The following EFHC1 variants were observed in gnomAD, a reference collection of about 807,000 sequenced individuals.
The protein encoded by EFHC1 is EF-hand domain-containing protein 1.
A neutral mutation model predicts 69.9 loss-of-function variants in EFHC1; 53 were observed. The observed-to-expected ratio is 0.76, with a 90% CI of 0.61 to 0.95. The LOEUF is 0.95. Among genes scored for constraint, EFHC1 ranks in the 40% least tolerant of loss-of-function variants. The pLI, the probability that EFHC1 is intolerant of heterozygous loss-of-function variation, is 0.00. For missense variants in EFHC1, 739 were observed against 798.7 expected (o/e 0.93, Z 0.90); for synonymous variants, 256 against 278.4 (o/e 0.92, Z 0.80).
At chr6:52,463,485 G>A (rs1054280044) in intron 5 of EFHC1, among the ~76,000 whole-genome samples, 3 of 152,016 alleles carry the variant, frequency 2.0e-5, no homozygotes, top group African/African-American at 7.3e-5. Flanking sequence ...TTAAAGAACA[G>A]GTAATTCTAA....
intron 3 of EFHC1, among the ~76,000 whole-genome samples, chr6:52,446,887 C>A (rs1764799106): frequency 6.6e-6 from 1 of 152,160 alleles, no homozygotes; most frequent in African/African-American, 2.4e-5. Context: ...TGATTATTGG[C>A]CCCCACTCTC....
Position 52,495,862 on chromosome 6 carries a change from A to G in EFHC1, c.*3521A>G, listed in dbSNP as rs548981595. The G allele has an allele frequency of 8.8e-6, 3 of 341,216 alleles. No homozygotes were observed. The highest frequency in any genetic ancestry group is 7.2e-5 in the South Asian group (3 of 41,612). 21.1% of individuals were successfully genotyped at this position (341,216 alleles called of 1,614,324 possible). On this transcript the variant is annotated 3_prime_UTR_variant, in exon 11 of 11. Coordinates refer to ENST00000371068, the MANE Select transcript of EFHC1 (RefSeq NM_018100.4). ...GAGAAGCTGAGATCTGACAGCACCA[A>G]CACAAGGTATAAAAGAGATTTCATG...
At chr6:52,465,588 C>T (rs911776681) in intron 6 of EFHC1, among the ~76,000 whole-genome samples, 1 of 151,812 alleles carries the variant, frequency 6.6e-6, no homozygotes, top group East Asian at 1.9e-4. Flanking sequence ...AGGTGGATCC[C>T]TTGAAGTCAG....
At chr6:52,478,285 G>A (rs1305677253) in intron 7 of EFHC1, among the ~76,000 whole-genome samples, 2 of 151,926 alleles carry the variant, frequency 1.3e-5, no homozygotes, top group Non-Finnish European at 2.9e-5. Context: ...TGGGGTGGGA[G>A]GAGGGGGGAG....
chr6:52,446,986 C>T (rs1280361343), intron 3 of EFHC1, among the ~76,000 whole-genome samples: 5 of 152,126 alleles, frequency 3.3e-5, no homozygotes, highest in Non-Finnish European at 7.3e-5. Context: ...CTCTGGCTGC[C>T]CTTAACATTT....
intron 2 of EFHC1, among the ~76,000 whole-genome samples, chr6:52,434,268 A>G (rs1048938533): frequency 6.6e-6 from 1 of 152,164 alleles, no homozygotes. Flanking sequence ...GCCTTTTCCC[A>G]GTGCCTCTGG....
chr6:52,494,020 T>C lies in EFHC1; in HGVS notation c.*1679T>C. 3 of 454,124 alleles carry C rather than the reference T, an allele frequency of 6.6e-6. No homozygotes were observed. The highest frequency in any genetic ancestry group is 4.7e-5 in the South Asian group (3 of 64,474). 28.1% of individuals were successfully genotyped at this position (454,124 alleles called of 1,614,324 possible). On this transcript the variant is annotated 3_prime_UTR_variant, in exon 11 of 11. Transcript: ENST00000371068. ...TGATTCCTTTTCTGTTCCAGGTTAT[T>C]ATCTTGGGAATAACCCATGTTTTGT...
intron 5 of EFHC1, among the ~76,000 whole-genome samples, chr6:52,464,649 A>G (rs982245762): frequency 2.6e-5 from 4 of 152,224 alleles, no homozygotes; most frequent in Non-Finnish European, 4.4e-5. Context: ...TTAGTGATTT[A>G]TAGTGATAGT....
chr6:52,482,205 T>TG lies in EFHC1; in HGVS notation c.1640+2420dup, dbSNP rs1188912396. The TG allele has an allele frequency of 2.0e-5, 3 of 152,062 alleles. No individual in the cohort carries two copies. In the East Asian group the frequency reaches 5.8e-4, roughly 29 times the overall value. 9.4% of individuals were successfully genotyped at this position (152,062 alleles called of 1,614,324 possible). On this transcript the variant is annotated intron_variant, in intron 9 of 10. Coordinates refer to ENST00000371068, the MANE Select transcript of EFHC1 (RefSeq NM_018100.4). ...AAAATACAAAAAAATTAGCTAGGCA[T>TG]GGTGGTGCAGACCTATAATCCCAGC...
At chr6:52,480,010 G>T in intron 9 of EFHC1, 1 of 720,540 alleles carries the variant, frequency 1.4e-6, no homozygotes, top group Non-Finnish European at 2.2e-6. Context: ...AACAATGTGG[G>T]AGTTAGGGGT....
intron 3 of EFHC1, among the ~76,000 whole-genome samples, chr6:52,443,029 G>C (rs938819644): frequency 2.0e-5 from 3 of 152,188 alleles, no homozygotes; most frequent in Non-Finnish European, 2.9e-5. Context: ...GCATTTCTCT[G>C]ATGGCCAGTG....
At chr6:52,450,072 A>G (rs1186998304) in intron 3 of EFHC1, among the ~76,000 whole-genome samples, 1 of 152,198 alleles carries the variant, frequency 6.6e-6, no homozygotes, top group African/African-American at 2.4e-5. Flanking sequence ...CCCAAAAGTC[A>G]TTCAGGAGCA....
intron 2 of EFHC1, among the ~76,000 whole-genome samples, chr6:52,424,900 G>C (rs1005274274): frequency 6.6e-6 from 1 of 152,146 alleles, no homozygotes; most frequent in Non-Finnish European, 1.5e-5. Flanking sequence ...ATGTGTAACT[G>C]GTTCTGAGAA....
chr6:52,454,102 G>C lies in EFHC1; in HGVS notation c.731G>C (p.Arg244Pro). 1 of 1,613,182 alleles carries C rather than the reference G, an allele frequency of 6.2e-7. No individual in the cohort carries two copies. The highest frequency in any genetic ancestry group is 8.5e-7 in the Non-Finnish European group (1 of 1,179,904). ...ACTTTGGATTCTTCAAAGGTCCTTC[G>C]ATTCTATGCAATCTGGGATGATACA... Reference protein sequence around the residue: ...QFLTFDKQVLRFYAIWDDTDS... With the variant: ...QFLTFDKQVLPFYAIWDDTDS... The change falls in exon 5 of 11, where the codon CGA becomes CCA. Residue 244 changes from arginine (R) to proline (P), a missense_variant. Transcript: ENST00000371068.
chr6:52,487,633 G>C (rs1323939867), intron 9 of EFHC1: 1 of 152,154 alleles, frequency 6.6e-6, no homozygotes, highest in African/African-American at 2.4e-5. Context: ...TTTCTAAGTG[G>C]AGGACTTTGC....
chr6:52,438,212 T>C, intron 2 of EFHC1, 92 bp from the exon 3 acceptor site: 1 of 1,221,900 alleles, frequency 8.2e-7, no homozygotes, highest in Admixed American at 2.0e-5. Flanking sequence ...AATCTCCCTG[T>C]GTGGTTCTGT....
intron 1 of EFHC1, chr6:52,423,666 T>TTTTTTTC: frequency 4.4e-6 from 2 of 449,934 alleles, no homozygotes; most frequent in South Asian, 3.1e-5. Context: ...AATTTTTTTT[T>TTTTTTTC]TTTTTTTTTT....
intron 3 of EFHC1, among the ~76,000 whole-genome samples, chr6:52,447,070 G>A (rs903514806): frequency 3.3e-5 from 5 of 152,106 alleles, no homozygotes; most frequent in Admixed American, 3.3e-4. Flanking sequence ...GAGTATCTTT[G>A]TGGCATTCTC....
intron 3 of EFHC1, among the ~76,000 whole-genome samples, chr6:52,450,710 A>G (rs1764896575): frequency 6.6e-6 from 1 of 151,964 alleles, no homozygotes; most frequent in Non-Finnish European, 1.5e-5. Flanking sequence ...TGCGTGTGAG[A>G]TAGGTCTCTT....
Sources: allele counts gnomAD v4.1 joint callset (sites outside exome capture counted in the v4.1 genomes callset), GRCh38; gene constraint gnomAD v4.1.1; transcripts MANE v1.5; gene names NCBI Gene and HGNC (gene_info 2026-07-23, HGNC 2026-07-21).